CFAP54: variants seen among roughly 807,000 people sequenced by gnomAD.
The protein encoded by CFAP54 is cilia- and flagella-associated protein 54.
In CFAP54, 290 loss-of-function variants were observed where a neutral mutation model predicts 370.4. The ratio of observed to expected loss-of-function variants is 0.78; its 90% CI spans 0.71 to 0.86. The LOEUF (loss-of-function observed/expected upper bound fraction) is 0.86. Ranked by LOEUF, CFAP54 falls within the 40% of genes least tolerant of loss-of-function variation. The pLI is 0.00. For synonymous variants in CFAP54, 1,206 were observed against 1,236.5 expected (o/e 0.98, Z 0.52); for missense variants, 3,399 against 3,528.7 (o/e 0.96, Z 0.93).
rs7300737 is a variant in CFAP54, at chr12:96,774,865, T to A, written c.8281+9647T>A. ...GTTATCTTCTTATTGTATTATAATT[T>A]AAAAAAATTATTTCTATTAGTTGTT... On this transcript the variant is annotated intron_variant, in intron 60 of 67. Transcript: ENST00000524981. 4.9e-3 allele frequency among the ~76,000 whole-genome samples: 742 copies of A among 152,278 alleles called. 3 individuals are homozygous for A. Among genetic ancestry groups the A allele is most frequent in the African/African-American group, 0.017 (696 of 41,564 alleles).
chr12:96,707,263 A>T (rs1190701284), intron 47 of CFAP54, among the ~76,000 whole-genome samples: 1 of 150,926 alleles, frequency 6.6e-6, no homozygotes, highest in African/African-American at 2.4e-5. Flanking sequence ...TTTAACTTGA[A>T]TTTTTTTTTT....
chr12:96,561,366 A>G (rs1287764113), intron 17 of CFAP54, among the ~76,000 whole-genome samples: 1 of 152,118 alleles, frequency 6.6e-6, no homozygotes, highest in Non-Finnish European at 1.5e-5. Flanking sequence ...GCCTTCTGCC[A>G]TGATTGTGAG....
chr12:96,857,688 T>G (rs920640085), intron 66 of CFAP54, among the ~76,000 whole-genome samples: 4 of 152,124 alleles, frequency 2.6e-5, no homozygotes, highest in African/African-American at 9.7e-5. Flanking sequence ...ATGCTGTTCT[T>G]GTGATAGTGA....
chr12:96,521,538 G>A (rs1955316572), intron 6 of CFAP54, among the ~76,000 whole-genome samples: 1 of 120,750 alleles, frequency 8.3e-6, no homozygotes, highest in Non-Finnish European at 1.7e-5. Flanking sequence ...GTGTGTGTGT[G>A]TGTGTGTGTG....
rs1398693763 is a variant in CFAP54, at chr12:96,841,326, G to T, written c.9171+12238G>T. On this transcript the variant is annotated intron_variant, in intron 66 of 67. Transcript: ENST00000524981. ...GGAATCATTAGCAAATCTGTTCATTGCTTTCTATTTTGCTGGAAATCAAGT... is the reference window on the plus strand; with the variant it reads ...GGAATCATTAGCAAATCTGTTCATTTCTTTCTATTTTGCTGGAAATCAAGT... Among the ~76,000 whole-genome samples, 8 of 152,124 alleles carry T rather than the reference G, an allele frequency of 5.3e-5. No homozygotes were observed. The East Asian group carries it at 9.6e-4, about 18-fold the overall frequency.
chr12:96,561,773 C>CT (rs376442763), intron 17 of CFAP54, among the ~76,000 whole-genome samples: 74,964 of 94,824 alleles, frequency 0.79, 31,449 homozygotes, highest in Non-Finnish European at 0.86. Context: ...ATCACAAGTT[C>CT]TTTTTTTTTT....
chr12:96,575,881 T>C (rs1955970258), intron 19 of CFAP54, among the ~76,000 whole-genome samples: 1 of 152,136 alleles, frequency 6.6e-6, no homozygotes, highest in African/African-American at 2.4e-5. Context: ...CATGGGTTTT[T>C]ACTTAGAGCT....
At chr12:96,592,424 G>A in intron 23 of CFAP54, 66 bp from the exon 24 acceptor site, 1 of 389,542 alleles carries the variant, frequency 2.6e-6, no homozygotes. Context: ...ACAAATCAAT[G>A]TAAAAAGACC....
At chr12:96,599,535 C>G (rs573437247) in intron 26 of CFAP54, among the ~76,000 whole-genome samples, 60 of 152,140 alleles carry the variant, frequency 3.9e-4, no homozygotes, top group African/African-American at 1.0e-3. Flanking sequence ...ATAATGGGAT[C>G]ACTGGGTCAA....
intron 5 of CFAP54, among the ~76,000 whole-genome samples, 191 bp from the exon 6 acceptor site, chr12:96,518,737 T>C (rs34831860): frequency 0.42 from 63,408 of 151,186 alleles, 13,743 homozygotes; most frequent in South Asian, 0.46. Flanking sequence ...CCAAAATGGC[T>C]TGAGATTTTG....
chr12:96,510,035 T>C (rs2136356464), intron 4 of CFAP54, among the ~76,000 whole-genome samples: 1 of 151,734 alleles, frequency 6.6e-6, no homozygotes, highest in Admixed American at 6.6e-5. Flanking sequence ...CCTAGCACTT[T>C]GGGAGGCCCA....
chr12:96,519,102 G>GTTTTT, intron 6 of CFAP54, 31 bp downstream of exon 6: 18 of 1,338,642 alleles, frequency 1.3e-5, no homozygotes, highest in South Asian at 7.1e-5. Flanking sequence ...GAGGAGTCGA[G>GTTTTT]TTTTTTTTTT....
chr12:96,749,322 TC>T (rs1480850448), intron 55 of CFAP54, among the ~76,000 whole-genome samples: 1 of 152,224 alleles, frequency 6.6e-6, no homozygotes, highest in Non-Finnish European at 1.5e-5. Context: ...AGGACAGTAA[TC>T]TCATGCAGGA....
intron 64 of CFAP54, among the ~76,000 whole-genome samples, chr12:96,812,869 T>C (rs1370709298): frequency 6.6e-6 from 1 of 152,118 alleles, no homozygotes; most frequent in Non-Finnish European, 1.5e-5. Flanking sequence ...TTTCTTTCTT[T>C]TCTTCTTTTC....
At chr12:96,591,685 C>T (rs1319811475) in intron 23 of CFAP54, among the ~76,000 whole-genome samples, 5 of 151,792 alleles carry the variant, frequency 3.3e-5, no homozygotes, top group Admixed American at 1.3e-4. Flanking sequence ...GTCAGGAGAT[C>T]GAGACCATCC....
At chr12:96,625,089 A>T (rs1956535849) in intron 28 of CFAP54, among the ~76,000 whole-genome samples, 1 of 152,196 alleles carries the variant, frequency 6.6e-6, no homozygotes, top group Admixed American at 6.5e-5. Flanking sequence ...CAAAAACAAT[A>T]ATAAAATGAT....
rs1192862714 is a variant in CFAP54, at chr12:96,616,630, A to G, written c.3640-4960A>G. Among the ~76,000 whole-genome samples the G allele has an allele frequency of 2.0e-5, 3 of 152,256 alleles. No individual in the cohort carries two copies. The East Asian group carries it at 5.8e-4, about 29-fold the overall frequency. ...TTAGGTTGGGAAAATATGTGAAGGC[A>G]TAGGATTATTAACGTTAATCACTCC... On this transcript the variant is annotated intron_variant, in intron 26 of 67. Coordinates refer to ENST00000524981, the MANE Select transcript of CFAP54 (RefSeq NM_001306084.2).
At chr12:96,524,538 C>A (rs559512443) in intron 8 of CFAP54, among the ~76,000 whole-genome samples, 1 of 152,236 alleles carries the variant, frequency 6.6e-6, no homozygotes, top group East Asian at 1.9e-4. Flanking sequence ...TAAATTGCAG[C>A]CCTGGCTTTT....
intron 53 of CFAP54, 72 bp downstream of exon 53, chr12:96,743,631 A>G (rs2136643749): frequency 6.3e-7 from 1 of 1,595,306 alleles, no homozygotes; most frequent in East Asian, 2.2e-5. Flanking sequence ...GAGAATTTCA[A>G]ATTCCACTAG....
Sources: allele counts gnomAD v4.1 joint callset (sites outside exome capture counted in the v4.1 genomes callset), GRCh38; gene constraint gnomAD v4.1.1; transcripts MANE v1.5; gene names NCBI Gene and HGNC (gene_info 2026-07-23, HGNC 2026-07-21).